The following DNMT3A variants were observed in gnomAD, a reference collection of about 807,000 sequenced individuals.
The protein encoded by DNMT3A is DNA methyltransferase 3 alpha.
Under a neutral mutation model 117.6 loss-of-function variants are expected in DNMT3A, and 267 were observed. That is an observed-to-expected ratio of 2.27 (90% CI 2.05 to 2.51). The LOEUF (loss-of-function observed/expected upper bound fraction) is 2.51, where lower values mean the gene tolerates loss of function less well. Among genes scored for constraint, DNMT3A ranks in the 30% most tolerant of loss-of-function variants. DNMT3A has a pLI of 0.00. For missense variants in DNMT3A, 1,029 were observed against 1,260.2 expected, an observed-to-expected ratio of 0.82 and a Z score of 2.78; for synonymous variants, 432 against 474.8, an observed-to-expected ratio of 0.91 and a Z score of 1.17.
At chr2:25,251,951 C>A (rs1675615766) in intron 6 of DNMT3A, 2 of 498,804 alleles carry the variant, frequency 4.0e-6, no homozygotes, top group South Asian at 2.9e-5. Context: ...TCCTGTCCCC[C>A]GAGGGCGCCA....
intron 6 of DNMT3A, among the ~76,000 whole-genome samples, chr2:25,268,627 T>C (rs1205724982): frequency 6.6e-6 from 1 of 152,134 alleles, no homozygotes; most frequent in African/African-American, 2.4e-5. Context: ...CCCACAGCCC[T>C]GGCCAGCTCT....
rs1018235547 is a variant in DNMT3A, at chr2:25,231,413, C to T, written c.*2866G>A. The T allele has an allele frequency of 8.5e-5, 13 of 152,168 alleles. No individual in the cohort carries two copies. The highest frequency in any genetic ancestry group is 1.4e-4 in the African/African-American group (6 of 41,434). 9.4% of individuals were successfully genotyped at this position (152,168 alleles called of 1,614,324 possible). On this transcript the variant is annotated 3_prime_UTR_variant, in exon 23 of 23. Coordinates refer to ENST00000321117, the MANE Select transcript of DNMT3A (RefSeq NM_022552.5). The stretch of plus-strand genomic sequence containing the variant: ...GGCATGATCTTAAACACCAATCTGT[C>T]GAGGAGACAGTAGATTGGGGTCCAG...
chr2:25,341,581 A>AG (rs950966764), intron 1 of DNMT3A, among the ~76,000 whole-genome samples: 2 of 143,138 alleles, frequency 1.4e-5, no homozygotes, highest in African/African-American at 5.1e-5. Context: ...GCGGGACGGG[A>AG]GGGGGCGCCT....
chr2:25,289,730 C>T (rs1414721860), intron 3 of DNMT3A, among the ~76,000 whole-genome samples: 5 of 152,258 alleles, frequency 3.3e-5, no homozygotes, highest in African/African-American at 9.6e-5. Context: ...GCAGAGGCTG[C>T]TGGCCCTCCC....
At chr2:25,244,442 G>T (rs1674480749) in intron 14 of DNMT3A, 98 bp downstream of exon 14, 3 of 1,577,138 alleles carry the variant, frequency 1.9e-6, no homozygotes, top group Admixed American at 3.5e-5. Flanking sequence ...ATGGCTAGGG[G>T]GTGGAGGGTC....
In DNMT3A at chr2:25,330,927, C is replaced by T. The variant is rs78444639; in HGVS notation, c.-178+10899G>A. On this transcript the variant is annotated intron_variant, in intron 1 of 22. Coordinates refer to ENST00000321117, the MANE Select transcript of DNMT3A (RefSeq NM_022552.5). ...GAACAAGAGAGTCAATAGAACATGA[C>T]GAATGGACCTTCCCAGGAAGGGGGA... Among the ~76,000 whole-genome samples, 448 of 152,228 alleles carry T rather than the reference C, an allele frequency of 2.9e-3. 2 individuals are homozygous for T. The highest frequency in any genetic ancestry group is 0.01 in the African/African-American group (432 of 41,518).
rs1001025208 is a variant in DNMT3A, at chr2:25,257,748, G to A, written c.640-9496C>T. Among the ~76,000 whole-genome samples, 1 of 152,178 alleles carries A rather than the reference G, an allele frequency of 6.6e-6. No homozygotes were observed. The highest frequency in any genetic ancestry group is 2.4e-5 in the African/African-American group (1 of 41,442). On this transcript the variant is annotated intron_variant, in intron 6 of 22. Transcript: ENST00000321117. The surrounding 1 kb of genome is among the most constrained non-coding windows in gnomAD (Gnocchi z 4.8). Reference sequence around the variant, plus strand: ...GAGGGCTTTAAAAATACAGATTCTTGGGGTCTACCTACGTAGATCAGCGGG... The same window carrying A: ...GAGGGCTTTAAAAATACAGATTCTTAGGGTCTACCTACGTAGATCAGCGGG...
At chr2:25,297,258 T>C (rs894932968) in intron 3 of DNMT3A, among the ~76,000 whole-genome samples, 2 of 152,090 alleles carry the variant, frequency 1.3e-5, no homozygotes, top group East Asian at 3.9e-4. Context: ...ACAGCTGACT[T>C]CCCAATCAGC....
At chr2:25,255,285 A>G (rs1310433775) in intron 6 of DNMT3A, among the ~76,000 whole-genome samples, 1 of 152,246 alleles carries the variant, frequency 6.6e-6, no homozygotes, top group East Asian at 1.9e-4. Context: ...CAGGTCACAC[A>G]TGCTCTTGAG....
At chr2:25,288,085 C>A (rs955864737) in intron 3 of DNMT3A, among the ~76,000 whole-genome samples, 10 of 150,410 alleles carry the variant, frequency 6.6e-5, no homozygotes, top group African/African-American at 2.4e-4. Context: ...ATCCACCCAC[C>A]TCAGCCTCCC....
chr2:25,341,993 G>T, upstream of DNMT3A: 3 of 945,458 alleles, frequency 3.2e-6, no homozygotes, highest in Non-Finnish European at 2.5e-6. Context: ...TCGCTGTCGC[G>T]CTCCCTCTCT....
At chr2:25,297,971 C>T (rs989416260) in intron 3 of DNMT3A, among the ~76,000 whole-genome samples, 48 of 152,250 alleles carry the variant, frequency 3.2e-4, no homozygotes, top group African/African-American at 1.1e-3. Context: ...CAAGGTGCTG[C>T]TCTTCTGTCA....
At chr2:25,288,560 T>C (rs942950337) in intron 3 of DNMT3A, among the ~76,000 whole-genome samples, 1 of 152,086 alleles carries the variant, frequency 6.6e-6, no homozygotes, top group Non-Finnish European at 1.5e-5. Context: ...TCCACCCACC[T>C]CAGCCTCCCA....
chr2:25,309,004 C>T (rs1022940255), intron 2 of DNMT3A, among the ~76,000 whole-genome samples: 10 of 152,042 alleles, frequency 6.6e-5, no homozygotes, highest in African/African-American at 4.8e-5. Context: ...CACACACGCA[C>T]GCACATGTGC....
chr2:25,308,660 A>C (rs542528863), intron 2 of DNMT3A, among the ~76,000 whole-genome samples: 29 of 152,216 alleles, frequency 1.9e-4, no homozygotes, highest in African/African-American at 7.0e-4. Flanking sequence ...AAACATACTA[A>C]GAAGGATGCT....
rs2033734964 is a variant in DNMT3A at position 25,305,435 on chromosome 2, T to C, written c.73-5192A>G. ...ATTCTGATGCGCTGGGCTATGACGA[T>C]AATAATCTCTCACATTTGCACTGAA... On this transcript the variant is annotated intron_variant, in intron 2 of 22. Transcript: ENST00000321117. The surrounding 1 kb of genome is among the most constrained non-coding windows in gnomAD (Gnocchi z 4.1). 2.0e-5 allele frequency among the ~76,000 whole-genome samples: 3 copies of C among 152,234 alleles called. No homozygotes were observed. The highest frequency in any genetic ancestry group is 7.2e-5 in the African/African-American group (3 of 41,466).
chr2:25,319,773 C>CTTT (rs1351746396), intron 1 of DNMT3A, among the ~76,000 whole-genome samples: 2 of 144,318 alleles, frequency 1.4e-5, no homozygotes, highest in South Asian at 4.4e-4. Context: ...TTCTTTCTTT[C>CTTT]TTTTTTTTTT....
At chr2:25,269,884 T>G (rs1171449176) in intron 6 of DNMT3A, among the ~76,000 whole-genome samples, 1 of 152,166 alleles carries the variant, frequency 6.6e-6, no homozygotes, top group Non-Finnish European at 1.5e-5. Flanking sequence ...GTCTTAAATC[T>G]TGGGGGAGGG....
chr2:25,336,565 A>T (rs1157260541), intron 1 of DNMT3A, among the ~76,000 whole-genome samples: 1 of 152,042 alleles, frequency 6.6e-6, no homozygotes, highest in African/African-American at 2.4e-5. Context: ...GCTCTGGTCT[A>T]TGGAATAGAA....
Sources: gnomAD v4.1 joint callset for allele counts (sites outside exome capture counted in the v4.1 genomes callset) on GRCh38, gnomAD v4.1.1 for gene constraint, Gnocchi (gnomAD v3.1) non-coding constraint, MANE v1.5 for transcripts, NCBI Gene and HGNC (gene_info 2026-07-23, HGNC 2026-07-21) for gene names.